GSE1: variants seen among roughly 807,000 people sequenced by gnomAD.
The protein encoded by GSE1 is genetic suppressor element 1.
A neutral mutation model predicts 112.6 loss-of-function variants in GSE1; 32 were observed. That is an observed-to-expected ratio of 0.28 (90% CI 0.21 to 0.38). The LOEUF is 0.38. GSE1 is among the 10% of genes least tolerant of loss of function. GSE1 has a pLI of 1.00. For missense variants in GSE1, 2,348 were observed against 1,699.2 expected, an observed-to-expected ratio of 1.38 and a Z score of -6.71; for synonymous variants, 1,115 against 735.6, an observed-to-expected ratio of 1.52 and a Z score of -8.35.
At chr16:85,671,439 C>CAAAATAAAAAA (rs2053327050) in intron 15 of GSE1, among the ~76,000 whole-genome samples, 1 of 61,310 alleles carries the variant, frequency 1.6e-5, no homozygotes, top group Non-Finnish European at 2.9e-5. Context: ...GACTCCGTCT[C>CAAAATAAAAAA]AAAAAAAAAA....
chr16:85,442,671 C>T (rs1047455931), intron 2 of GSE1, among the ~76,000 whole-genome samples: 5 of 152,198 alleles, frequency 3.3e-5, no homozygotes, highest in Non-Finnish European at 4.4e-5. Flanking sequence ...ACCCAGGTGG[C>T]ATCGTGAGCC....
chr16:85,619,488 G>A (rs1379423391), intron 1 of GSE1, among the ~76,000 whole-genome samples: 1 of 152,210 alleles, frequency 6.6e-6, no homozygotes, highest in African/African-American at 2.4e-5. Flanking sequence ...CTTCTGGGTT[G>A]GGGGGCAAAG....
Position 85,672,913 on chromosome 16 carries a change from T to C in GSE1, c.*374T>C, listed in dbSNP as rs980569808. The C allele has an allele frequency of 3.2e-5, 5 of 157,330 alleles. No individual in the cohort carries two copies. The highest frequency in any genetic ancestry group is 9.6e-5 in the African/African-American group (4 of 41,620). 9.7% of individuals were successfully genotyped at this position (157,330 alleles called of 1,614,324 possible). A position where few individuals can be genotyped will look rare whatever the true frequency, so the allele number is the denominator to read the frequency against. ...TGGATCAAACCGGTTCTGTTCTTTCTTGTGTTGCCATGTTACTATGCCTCA... is the reference window on the plus strand; with the variant it reads ...TGGATCAAACCGGTTCTGTTCTTTCCTGTGTTGCCATGTTACTATGCCTCA... On this transcript the variant is annotated 3_prime_UTR_variant, in exon 16 of 16. Transcript: ENST00000253458.
intron 2 of GSE1, among the ~76,000 whole-genome samples, chr16:85,468,377 C>T (rs991194363): frequency 7.0e-6 from 1 of 142,726 alleles, no homozygotes; most frequent in African/African-American, 2.7e-5. Context: ...AGTGCGGTGA[C>T]GCGACCTTAA....
At chr16:85,321,021 C>T (rs1379286582) in intron 1 of GSE1, among the ~76,000 whole-genome samples, 1 of 152,152 alleles carries the variant, frequency 6.6e-6, no homozygotes, top group Admixed American at 6.5e-5. Context: ...GCGCCCCCTG[C>T]CCCCATCACC....
chr16:85,673,135 AG>A lies in GSE1; in HGVS notation c.*597del, dbSNP rs1318771355. 2 of 152,380 alleles carry A rather than the reference AG, an allele frequency of 1.3e-5. No homozygotes were observed. The highest frequency in any genetic ancestry group is 2.9e-5 in the Non-Finnish European group (2 of 68,046). 9.4% of individuals were successfully genotyped at this position (152,380 alleles called of 1,614,324 possible). ...CAACCCAAAGGCTTTTCCCTGGAAA[AG>A]CTCTTTCTTACCTAAAGATAAAACC... On this transcript the variant is annotated 3_prime_UTR_variant, in exon 16 of 16. Coordinates refer to ENST00000253458, the MANE Select transcript of GSE1 (RefSeq NM_014615.5).
intron 1 of GSE1, among the ~76,000 whole-genome samples, chr16:85,291,136 A>C (rs1283937915): frequency 6.6e-6 from 1 of 152,104 alleles, no homozygotes; most frequent in African/African-American, 2.4e-5. Context: ...TCCCCATTTT[A>C]CAGAAGGGGA....
chr16:85,191,223 G>C (rs1388260509), intron 1 of GSE1, among the ~76,000 whole-genome samples: 1 of 152,162 alleles, frequency 6.6e-6, no homozygotes, highest in African/African-American at 2.4e-5. Flanking sequence ...TTGCACCACT[G>C]CACTGCAGCC....
intron 2 of GSE1, among the ~76,000 whole-genome samples, chr16:85,413,406 C>G (rs1217109385): frequency 6.6e-6 from 1 of 152,012 alleles, no homozygotes; most frequent in Non-Finnish European, 1.5e-5. Context: ...ACCATCTTCC[C>G]CAGCTGTGAC....
intron 2 of GSE1, among the ~76,000 whole-genome samples, chr16:85,481,999 C>T (rs556960222): frequency 5.2e-5 from 8 of 152,388 alleles, no homozygotes; most frequent in African/African-American, 1.2e-4. Flanking sequence ...GCCGGGACTA[C>T]GCCCCTTGCA....
At chr16:85,547,563 T>A (rs2044743614) in intron 2 of GSE1, among the ~76,000 whole-genome samples, 1 of 152,188 alleles carries the variant, frequency 6.6e-6, no homozygotes. Flanking sequence ...ATTTAATACA[T>A]TTGTATAATT....
chr16:85,662,885 C>T, intron 9 of GSE1, 96 bp from the exon 10 acceptor site: 1 of 864,098 alleles, frequency 1.2e-6, no homozygotes, highest in Non-Finnish European at 1.9e-6. Flanking sequence ...GCAGGCCTGG[C>T]CTGATAGGTG....
chr16:85,473,486 G>T (rs571110652), intron 2 of GSE1, among the ~76,000 whole-genome samples: 53 of 152,172 alleles, frequency 3.5e-4, no homozygotes, highest in Non-Finnish European at 6.9e-4. Context: ...GGCAGGGCCG[G>T]GCTCTCTCCA....
chr16:85,514,360 G>A (rs2051847422), intron 2 of GSE1, among the ~76,000 whole-genome samples: 1 of 145,748 alleles, frequency 6.9e-6, no homozygotes. Context: ...CTCCTTCGTG[G>A]GACACCACCC....
At chr16:85,552,573 C>A (rs1408613948), upstream of GSE1, among the ~76,000 whole-genome samples, 3 of 150,780 alleles carry the variant, frequency 2.0e-5, no homozygotes, top group African/African-American at 4.9e-5. Context: ...ACCTCGTGAT[C>A]CGTCCGTCTC....
chr16:85,352,101 G>A (rs962973093), intron 1 of GSE1, among the ~76,000 whole-genome samples: 4 of 152,172 alleles, frequency 2.6e-5, no homozygotes. Context: ...GTGTGTGCAT[G>A]CACATACACA....
At chr16:85,640,326 G>A (rs182570350) in intron 2 of GSE1, among the ~76,000 whole-genome samples, 2 of 152,338 alleles carry the variant, frequency 1.3e-5, no homozygotes, top group Admixed American at 6.5e-5. Flanking sequence ...GGTGTTGGCC[G>A]CTGTGTTACC....
At chr16:85,563,696 C>T (rs968059154) in intron 1 of GSE1, among the ~76,000 whole-genome samples, 2 of 152,234 alleles carry the variant, frequency 1.3e-5, no homozygotes, top group Non-Finnish European at 1.5e-5. Context: ...CCTGGACCGC[C>T]GCCCAGTGGG....
At position 85,212,626 on chromosome 16, in the gene GSE1, C is replaced by T. The variant is rs894876599; in HGVS notation, c.2283+40819C>T. Among the ~76,000 whole-genome samples, 14 of 152,118 alleles carry T rather than the reference C, an allele frequency of 9.2e-5. No individual in the cohort carries two copies. In the East Asian group the frequency reaches 2.7e-3, roughly 29 times the overall value. ...CACATTGACCTTGGACTTCCAGCTC[C>T]CAGAACTGTGAGAAAATACTTTCCT... On this transcript the variant is annotated intron_variant, in intron 1 of 2. Coordinates refer to the GSE1 transcript ENST00000637419.
Sources: gnomAD v4.1 joint callset for allele counts (sites outside exome capture counted in the v4.1 genomes callset) on GRCh38, gnomAD v4.1.1 for gene constraint, MANE v1.5 for transcripts, NCBI Gene and HGNC (gene_info 2026-07-23, HGNC 2026-07-21) for gene names.